The following ERLIN1 variants were observed in gnomAD, a reference collection of about 807,000 sequenced individuals.
The protein encoded by ERLIN1 is ER lipid raft associated 1, also known as erlin-1.
A neutral mutation model predicts 46.9 loss-of-function variants in ERLIN1; 24 were observed. The ratio of observed to expected loss-of-function variants is 0.51; its 90% CI spans 0.37 to 0.72. The LOEUF (loss-of-function observed/expected upper bound fraction) is 0.72. Among genes scored for constraint, ERLIN1 ranks in the 30% least tolerant of loss-of-function variants. The probability of loss-of-function intolerance (pLI) is 0.00; values close to 1 mark genes in which losing one functional copy is unlikely to be tolerated. For synonymous variants in ERLIN1, 158 were observed against 143.2 expected (o/e 1.10, Z -0.74); for missense variants, 293 against 417.9 (o/e 0.70, Z 2.61).
intron 9 of ERLIN1, among the ~76,000 whole-genome samples, chr10:100,155,497 G>C (rs1156994385): frequency 2.0e-5 from 3 of 151,706 alleles, no homozygotes; most frequent in African/African-American, 7.3e-5. Flanking sequence ...TGGTCGTGAT[G>C]GGGTTTATTT....
intron 10 of ERLIN1, among the ~76,000 whole-genome samples, chr10:100,152,915 A>G (rs1401926199): frequency 6.6e-6 from 1 of 151,984 alleles, no homozygotes; most frequent in Non-Finnish European, 1.5e-5. Context: ...CAGTGGTTCA[A>G]TTATAGCTCG....
intron 7 of ERLIN1, among the ~76,000 whole-genome samples, chr10:100,165,122 A>G (rs1843560479): frequency 6.6e-6 from 1 of 152,250 alleles, no homozygotes; most frequent in Non-Finnish European, 1.5e-5. Context: ...AAATGGTATA[A>G]GAAAACACTA....
At position 100,176,043 on chromosome 10, in the gene ERLIN1, G is replaced by T. The variant is rs760442902; in HGVS notation, c.332C>A (p.Ala111Glu). ...GAAGATTAAGGTCTTGTCATAATCT[G>T]CAGTATAGTTCCTCACGATATCAAA... ...AVFDIVRNYTADYDKTLIFNK... is the reference protein window; with the variant it reads ...AVFDIVRNYTEDYDKTLIFNK... The change falls in exon 5 of 11, where the codon GCA (alanine) becomes GAA (glutamate). Residue 111 changes from alanine to glutamate, a missense_variant. Around this residue, in one of 3 missense-constraint regions of ERLIN1, gnomAD observed 148 missense variants for 266.5 expected, o/e 0.56. Transcript: ENST00000421367. The T allele has an allele frequency of 6.2e-7, 1 of 1,612,036 alleles. No homozygotes were observed. Among genetic ancestry groups the T allele is most frequent in the Admixed American group, 1.7e-5 (1 of 59,936 alleles).
chr10:100,155,799 C>G (rs1372994825), intron 9 of ERLIN1, among the ~76,000 whole-genome samples: 2 of 152,150 alleles, frequency 1.3e-5, no homozygotes, highest in East Asian at 3.9e-4. Context: ...CAGGCGTGAG[C>G]CACGGCGCCC....
intron 6 of ERLIN1, among the ~76,000 whole-genome samples, chr10:100,168,790 C>G (rs953176977): frequency 6.6e-6 from 1 of 151,302 alleles, no homozygotes; most frequent in Non-Finnish European, 1.5e-5. Flanking sequence ...AGCGATTCTT[C>G]TGCCTCAGCC....
At chr10:100,173,734 C>A (rs1323744712) in intron 6 of ERLIN1, among the ~76,000 whole-genome samples, 1 of 152,182 alleles carries the variant, frequency 6.6e-6, no homozygotes, top group Non-Finnish European at 1.5e-5. Context: ...AATCTCAACT[C>A]AATCACAGCC....
chr10:100,170,711 C>T (rs965529663), intron 6 of ERLIN1, among the ~76,000 whole-genome samples: 3 of 151,974 alleles, frequency 2.0e-5, no homozygotes, highest in Non-Finnish European at 2.9e-5. Flanking sequence ...GAGGGTGAGG[C>T]GATTGTCAAA....
chr10:100,185,721 G>C lies in ERLIN1; in HGVS notation c.-95C>G. The C allele has an allele frequency of 3.0e-6, 3 of 1,014,952 alleles. No individual in the cohort carries two copies. Among genetic ancestry groups the C allele is most frequent in the Non-Finnish European group, 3.1e-6 (2 of 649,176 alleles). 62.9% of individuals were successfully genotyped at this position (1,014,952 alleles called of 1,614,324 possible). A position where few individuals can be genotyped will look rare whatever the true frequency, so the allele number is the denominator to read the frequency against. On this transcript the variant is annotated 5_prime_UTR_variant, in exon 1 of 11. Transcript: ENST00000421367. ...TTCTACCCTCTCCCTCCGGAAACTT[G>C]GCGCTCTCTCGCAGGCTGAGCCGGG...
chr10:100,153,130 TCTA>T (rs1242926022), intron 10 of ERLIN1, among the ~76,000 whole-genome samples: 1 of 152,232 alleles, frequency 6.6e-6, no homozygotes, highest in African/African-American at 2.4e-5. Context: ...TTGAACAAAT[TCTA>T]GAACTAGAAT....
chr10:100,160,827 G>A (rs981350908), intron 8 of ERLIN1, among the ~76,000 whole-genome samples: 3 of 152,106 alleles, frequency 2.0e-5, no homozygotes, highest in South Asian at 4.1e-4. Context: ...TGCACTTGTA[G>A]TCTCAGCTAC....
In ERLIN1 at chr10:100,155,554, G is replaced by A. The variant is rs1036984210; in HGVS notation, c.745+591C>T. Among the ~76,000 whole-genome samples, 11 of 151,010 alleles carry A rather than the reference G, an allele frequency of 7.3e-5. No individual in the cohort carries two copies. In the East Asian group the frequency reaches 7.8e-4, roughly 11 times the overall value. Reference sequence around the variant, plus strand: ...TTTTGAGACGGAGTCTCGCTCTGTCGCCCAGGCTGGAGTGCAGTGGCGGGA... The same window carrying A: ...TTTTGAGACGGAGTCTCGCTCTGTCACCCAGGCTGGAGTGCAGTGGCGGGA... On this transcript the variant is annotated intron_variant, in intron 9 of 10. Transcript: ENST00000421367.
At chr10:100,172,743 G>A (rs1844074364) in intron 6 of ERLIN1, among the ~76,000 whole-genome samples, 1 of 152,186 alleles carries the variant, frequency 6.6e-6, no homozygotes, top group Non-Finnish European at 1.5e-5. Context: ...TGTACAGTCA[G>A]TTTGAAAGAT....
intron 9 of ERLIN1, among the ~76,000 whole-genome samples, chr10:100,155,470 A>G (rs899052192): frequency 6.6e-6 from 1 of 150,888 alleles, no homozygotes; most frequent in Non-Finnish European, 1.5e-5. Context: ...TTTTTTTTGG[A>G]CAGGTGGAAA....
At chr10:100,172,141 T>A (rs1046031443) in intron 6 of ERLIN1, among the ~76,000 whole-genome samples, 52 of 152,150 alleles carry the variant, frequency 3.4e-4, no homozygotes, top group Non-Finnish European at 6.6e-4. Context: ...TAGTAAAAAA[T>A]TTGAAACCAT....
At position 100,183,830 on chromosome 10, in the gene ERLIN1, C is replaced by A; in HGVS notation, c.121G>T (p.Ala41Ser). Residue 41 changes from alanine (A) to serine (S), a missense_variant, in exon 2 of 11, where the codon GCT becomes TCT. Ala to Ser is a moderately conservative substitution (Grantham distance 99, BLOSUM62 1). This residue lies in a region of ERLIN1 where 76 missense variants were observed against 77.0 expected (regional missense o/e 0.99). Coordinates refer to ENST00000421367, the MANE Select transcript of ERLIN1 (RefSeq NM_006459.4). The stretch of plus-strand genomic sequence containing the variant: ...GGTCCACTGGGGCTAGTTAGTAAAG[C>A]TCCTCCCCTGCAAAAAGATGTTTCA... ...GHLAVYYRGG[A>S]LLTSPSGPGY... 6.2e-7 allele frequency: 1 copy of A among 1,607,744 alleles called. No homozygotes were observed. The highest frequency in any genetic ancestry group is 2.2e-5 in the East Asian group (1 of 44,848).
chr10:100,167,218 G>A, intron 7 of ERLIN1, 130 bp downstream of exon 7: 1 of 698,812 alleles, frequency 1.4e-6, no homozygotes. Flanking sequence ...TATTACTAGA[G>A]TAAGAGTAAA....
intron 9 of ERLIN1, 35 bp downstream of exon 9, chr10:100,156,110 G>A (rs1014223593): frequency 1.4e-6 from 2 of 1,396,286 alleles, no homozygotes; most frequent in South Asian, 1.2e-5. Context: ...GGCAGTTCGG[G>A]ACAGGCAGAG....
intron 6 of ERLIN1, among the ~76,000 whole-genome samples, chr10:100,172,142 T>G (rs907161285): frequency 1.3e-5 from 2 of 152,194 alleles, no homozygotes; most frequent in Non-Finnish European, 1.5e-5. Flanking sequence ...AGTAAAAAAT[T>G]TGAAACCATA....
At chr10:100,178,857 C>T (rs1844467990) in intron 3 of ERLIN1, among the ~76,000 whole-genome samples, 1 of 152,046 alleles carries the variant, frequency 6.6e-6, no homozygotes, top group African/African-American at 2.4e-5. Context: ...TATATAAAAA[C>T]TGTCTGTACT....
Sources: allele counts gnomAD v4.1 joint callset (sites outside exome capture counted in the v4.1 genomes callset), GRCh38; gene constraint gnomAD v4.1.1; regional missense constraint gnomAD v4.1.1; transcripts MANE v1.5; gene names NCBI Gene and HGNC (gene_info 2026-07-23, HGNC 2026-07-21).